DCX: variants seen among roughly 807,000 people sequenced by gnomAD.
The protein encoded by DCX is doublecortin, also known as neuronal migration protein doublecortin.
Under a neutral mutation model 20.9 loss-of-function variants are expected in DCX, and 4 were observed. That is an observed-to-expected ratio of 0.19 (90% CI 0.09 to 0.44). The LOEUF (loss-of-function observed/expected upper bound fraction) is 0.44. Ranked by LOEUF, DCX falls within the 20% of genes least tolerant of loss-of-function variation. DCX has a pLI of 0.99. For missense variants in DCX, 133 were observed against 296.9 expected (o/e 0.45, Z 4.06); for synonymous variants, 103 against 111.4 (o/e 0.92, Z 0.47).
rs1450546739 is a variant in DCX, at chrX:111,297,764, AGGCCACAGG to A, written c.*3914_*3922del. 8.9e-6 allele frequency: 1 copy of A among 112,015 alleles called. No homozygotes were observed. 9.2% of individuals were successfully genotyped at this position (112,015 alleles called of 1,213,427 possible). On this transcript the variant is annotated 3_prime_UTR_variant, in exon 7 of 7. Transcript: ENST00000636035. The stretch of plus-strand genomic sequence containing the variant: ...CTTTTGCCCTGGTTTCTGCTGTGGA[AGGCCACAGG>A]AGCAGTGTACACAAGACGATGGGAA...
At chrX:111,350,150 T>A (rs1444997353) in intron 3 of DCX, among the ~76,000 whole-genome samples, 2 of 111,412 alleles carry the variant, frequency 1.8e-5, no homozygotes, top group Non-Finnish European at 3.8e-5. Context: ...TGCTCCCCAT[T>A]GGCTAAATAC....
rs942552320 is a variant in DCX, at chrX:111,294,323, T to C, written c.*7364A>G. Reference sequence around the variant, plus strand: ...TTTTATTTCTCTCATTTTTTCTTTTTTTTTCAAATAATTATTGGTCATCGG... The same window carrying C: ...TTTTATTTCTCTCATTTTTTCTTTTCTTTTCAAATAATTATTGGTCATCGG... On this transcript the variant is annotated 3_prime_UTR_variant, in exon 7 of 7. Transcript: ENST00000636035. The C allele has an allele frequency of 2.7e-5, 3 of 111,049 alleles. No homozygotes were observed. The highest frequency in any genetic ancestry group is 9.8e-5 in the African/African-American group (3 of 30,486). 9.2% of individuals were successfully genotyped at this position (111,049 alleles called of 1,213,427 possible).
intron 3 of DCX, among the ~76,000 whole-genome samples, chrX:111,351,822 C>T (rs1375404293): frequency 8.9e-6 from 1 of 112,198 alleles, no homozygotes; most frequent in Non-Finnish European, 1.9e-5. Flanking sequence ...CTCCTGGGCT[C>T]AAGCCATCCT....
At chrX:111,408,691 A>AAAGAAAGGAAGGAAGG (rs1268843561) in intron 2 of DCX, among the ~76,000 whole-genome samples, 1 of 103,257 alleles carries the variant, frequency 9.7e-6, no homozygotes, top group African/African-American at 3.7e-5. Flanking sequence ...AGAAAGAAAG[A>AAAGAAAGGAAGGAAGG]AAGGAAGGAA....
At chrX:111,409,130 G>A (rs959670736) in intron 2 of DCX, among the ~76,000 whole-genome samples, 1 of 111,023 alleles carries the variant, frequency 9.0e-6, no homozygotes, top group African/African-American at 3.3e-5. Flanking sequence ...TTGATCACAT[G>A]TGTTATATCC....
chrX:111,392,436 C>T (rs923518243), intron 3 of DCX, among the ~76,000 whole-genome samples: 5 of 111,382 alleles, frequency 4.5e-5, no homozygotes, highest in African/African-American at 1.6e-4. Context: ...TGTAGTATAT[C>T]CATACAATGG....
chrX:111,336,772 AT>A (rs1921773091), intron 3 of DCX, among the ~76,000 whole-genome samples: 1 of 112,133 alleles, frequency 8.9e-6, no homozygotes. Flanking sequence ...GAAAATCTAT[AT>A]TTGTCCTAAT....
intron 5 of DCX, among the ~76,000 whole-genome samples, chrX:111,322,821 T>C (rs1414559326): frequency 8.9e-6 from 1 of 112,576 alleles, no homozygotes; most frequent in Admixed American, 9.4e-5. Context: ...TTGTAGGTTG[T>C]GAGACACTGT....
At position 111,309,391 on chromosome X, in the gene DCX, A is replaced by T. The variant is rs2095052563; in HGVS notation, c.1044+3248T>A. 2.7e-5 allele frequency among the ~76,000 whole-genome samples: 3 copies of T among 112,385 alleles called. 1 individual carries two copies. In the South Asian group the frequency reaches 1.1e-3, roughly 42 times the overall value. On this transcript the variant is annotated intron_variant, in intron 6 of 6. Transcript: ENST00000636035. ...CCACTTGGACAGAAGTTCAGATGAG[A>T]TCTGCTCAGGCCTGCTGCCCAGAGA... is the stretch of plus-strand genomic sequence containing the variant.
intron 3 of DCX, among the ~76,000 whole-genome samples, chrX:111,336,492 C>T (rs910090396): frequency 1.8e-5 from 2 of 112,282 alleles, no homozygotes; most frequent in South Asian, 3.7e-4. Flanking sequence ...CATGTGGATA[C>T]CCAGCTTTTC....
chrX:111,405,645 G>T (rs1928150162), intron 2 of DCX, among the ~76,000 whole-genome samples: 1 of 110,142 alleles, frequency 9.1e-6, no homozygotes, highest in Non-Finnish European at 1.9e-5. Flanking sequence ...AATGGGGAAA[G>T]AATTGGACCA....
intron 3 of DCX, among the ~76,000 whole-genome samples, chrX:111,388,435 G>A (rs1411866186): frequency 9.0e-6 from 1 of 111,648 alleles, no homozygotes; most frequent in African/African-American, 3.3e-5. Context: ...TCCTTTTCAA[G>A]ATTCTCTAAT....
At chrX:111,331,443 T>C (rs1332654365) in intron 4 of DCX, among the ~76,000 whole-genome samples, 1 of 112,146 alleles carries the variant, frequency 8.9e-6, no homozygotes, top group Non-Finnish European at 1.9e-5. Flanking sequence ...GAAACATCCA[T>C]TGAGTAATTT....
At chrX:111,329,832 C>G (rs1465544986) in intron 5 of DCX, among the ~76,000 whole-genome samples, 1 of 112,254 alleles carries the variant, frequency 8.9e-6, no homozygotes, top group Non-Finnish European at 1.9e-5. Context: ...TCAGGCTACT[C>G]ATGATGCCCC....
chrX:111,405,350 G>C (rs1239477701), intron 2 of DCX, among the ~76,000 whole-genome samples: 1 of 111,933 alleles, frequency 8.9e-6, no homozygotes, highest in Non-Finnish European at 1.9e-5. Context: ...TCCCTCCCAG[G>C]TATCTTAAAA....
At chrX:111,407,341 G>A (rs934395570) in intron 2 of DCX, among the ~76,000 whole-genome samples, 6 of 111,657 alleles carry the variant, frequency 5.4e-5, no homozygotes, top group African/African-American at 1.6e-4. Flanking sequence ...ATTTCACACC[G>A]GGAAGTCTGT....
chrX:111,306,155 A>G (rs2095044952), intron 6 of DCX, among the ~76,000 whole-genome samples: 1 of 111,580 alleles, frequency 9.0e-6, no homozygotes, highest in African/African-American at 3.2e-5. Context: ...GATTTTTTAA[A>G]AACATGATCC....
chrX:111,405,722 A>G (rs1272172787), intron 2 of DCX, among the ~76,000 whole-genome samples: 1 of 111,827 alleles, frequency 8.9e-6, no homozygotes, highest in East Asian at 2.8e-4. Flanking sequence ...AAAAAAACAA[A>G]GACATGACAA....
At chrX:111,372,146 G>C (rs751037832) in intron 3 of DCX, among the ~76,000 whole-genome samples, 66 of 111,439 alleles carry the variant, frequency 5.9e-4, no homozygotes, top group African/African-American at 2.0e-3. Flanking sequence ...TCATGACTTT[G>C]AGAAATACCA....
Sources: gnomAD v4.1 joint callset for allele counts (sites outside exome capture counted in the v4.1 genomes callset) on GRCh38, gnomAD v4.1.1 for gene constraint, MANE v1.5 for transcripts, NCBI Gene and HGNC (gene_info 2026-07-23, HGNC 2026-07-21) for gene names.